LUZP2: variants seen among roughly 807,000 people sequenced by gnomAD.
The protein encoded by LUZP2 is leucine zipper protein 2.
LUZP2 carries 52 observed loss-of-function variants against 51.6 expected under a neutral mutation model. The ratio of observed to expected loss-of-function variants is 1.01; its 90% CI spans 0.81 to 1.27. The LOEUF is 1.27. Ranked by LOEUF, LUZP2 falls within the 50% of genes most tolerant of loss-of-function variation. The pLI is 0.00. For synonymous variants in LUZP2, 154 were observed against 137.3 expected (o/e 1.12, Z -0.85); for missense variants, 436 against 395.4 (o/e 1.10, Z -0.87).
intron 5 of LUZP2, among the ~76,000 whole-genome samples, chr11:24,779,551 T>C (rs151039071): frequency 1.3e-5 from 2 of 152,294 alleles, no homozygotes; most frequent in East Asian, 3.9e-4. Flanking sequence ...ATAATAAATG[T>C]AAAGTGTTAA....
intron 5 of LUZP2, among the ~76,000 whole-genome samples, chr11:24,889,356 G>A (rs1187159662): frequency 6.6e-6 from 1 of 152,140 alleles, no homozygotes; most frequent in East Asian, 1.9e-4. Context: ...TTATCAAGGT[G>A]AGGAGGTGAT....
intron 3 of LUZP2, among the ~76,000 whole-genome samples, chr11:24,733,165 TA>T (rs1565105374): frequency 3.3e-5 from 5 of 151,444 alleles, no homozygotes; most frequent in Middle Eastern, 3.4e-3. Flanking sequence ...TGATATCTAT[TA>T]AAAAATATAA....
chr11:25,009,695 C>T (rs1399279256), intron 9 of LUZP2, among the ~76,000 whole-genome samples: 1 of 152,078 alleles, frequency 6.6e-6, no homozygotes, highest in Non-Finnish European at 1.5e-5. Context: ...CTATGACTAA[C>T]CAAAGGCATT....
intron 10 of LUZP2, among the ~76,000 whole-genome samples, chr11:25,073,863 A>G (rs1391464693): frequency 6.6e-6 from 1 of 152,118 alleles, no homozygotes; most frequent in East Asian, 1.9e-4. Context: ...AACGATCACT[A>G]TTTGTTAATC....
At position 24,599,741 on chromosome 11, in the gene LUZP2, G is replaced by A. The variant is rs570379749; in HGVS notation, c.62+102436G>A. 7.9e-5 allele frequency among the ~76,000 whole-genome samples: 12 copies of A among 152,006 alleles called. No individual in the cohort carries two copies. In the South Asian group the frequency reaches 1.0e-3, roughly 13 times the overall value. ...TACAGAAACATCTGAGAGTCTCATC[G>A]AATAGCTGAGATATACTGAGATATT... On this transcript the variant is annotated intron_variant, in intron 1 of 11. Transcript: ENST00000336930.
chr11:24,752,841 A>G (rs1859643955), intron 4 of LUZP2, among the ~76,000 whole-genome samples: 1 of 152,130 alleles, frequency 6.6e-6, no homozygotes, highest in Admixed American at 6.5e-5. Flanking sequence ...AAATGGGTTA[A>G]ATTTAATAAT....
At chr11:24,913,546 T>A (rs1174858561) in intron 6 of LUZP2, among the ~76,000 whole-genome samples, 1 of 152,162 alleles carries the variant, frequency 6.6e-6, no homozygotes, top group Non-Finnish European at 1.5e-5. Context: ...TAATGCAATG[T>A]ACATATGTTT....
At chr11:24,923,008 C>A (rs1254174294) in intron 7 of LUZP2, among the ~76,000 whole-genome samples, 7 of 151,646 alleles carry the variant, frequency 4.6e-5, no homozygotes, top group African/African-American at 1.7e-4. Context: ...GCCACCACGC[C>A]TAGCTAATTT....
intron 6 of LUZP2, among the ~76,000 whole-genome samples, chr11:24,913,627 A>G (rs1013166363): frequency 2.6e-5 from 4 of 151,416 alleles, no homozygotes; most frequent in Non-Finnish European, 5.9e-5. Context: ...ATACATTTTA[A>G]GTATCAATTT....
chr11:24,626,132 G>T (rs953775078), intron 1 of LUZP2, among the ~76,000 whole-genome samples: 1 of 152,102 alleles, frequency 6.6e-6, no homozygotes, highest in Non-Finnish European at 1.5e-5. Flanking sequence ...TCCATGAAGT[G>T]CCAAACAGAG....
chr11:24,819,653 C>T (rs1396795734), intron 5 of LUZP2, among the ~76,000 whole-genome samples: 1 of 152,060 alleles, frequency 6.6e-6, no homozygotes, highest in Non-Finnish European at 1.5e-5. Flanking sequence ...ATTTATGGTA[C>T]ATAGTGTGAT....
chr11:24,639,081 C>T (rs1221579084), intron 1 of LUZP2, among the ~76,000 whole-genome samples: 1 of 151,678 alleles, frequency 6.6e-6, no homozygotes, highest in East Asian at 1.9e-4. Flanking sequence ...TTGGACATTT[C>T]TTCATTTATT....
At chr11:24,939,343 G>A (rs897166189) in intron 7 of LUZP2, among the ~76,000 whole-genome samples, 1 of 151,916 alleles carries the variant, frequency 6.6e-6, no homozygotes, top group Non-Finnish European at 1.5e-5. Flanking sequence ...AAGGGAGAGG[G>A]TCTAGTTTGC....
At position 24,996,986 on chromosome 11, in the gene LUZP2, T is replaced by C. The variant is rs1856523152; in HGVS notation, c.765+13693T>C. On this transcript the variant is annotated intron_variant, in intron 9 of 11. Transcript: ENST00000336930. ...TGGCTGCATAGTATTCCATGGTGTATATGTGCCACATTTTCTTAATCCAGT... is the reference window on the plus strand; with the variant it reads ...TGGCTGCATAGTATTCCATGGTGTACATGTGCCACATTTTCTTAATCCAGT... Among the ~76,000 whole-genome samples the C allele has an allele frequency of 4.0e-5, 6 of 150,652 alleles. No homozygotes were observed. The South Asian group carries it at 1.3e-3, about 32-fold the overall frequency.
chr11:24,959,843 A>T (rs1217717483), intron 7 of LUZP2, among the ~76,000 whole-genome samples: 1 of 152,140 alleles, frequency 6.6e-6, no homozygotes, highest in African/African-American at 2.4e-5. Context: ...TTTCAAAGGG[A>T]ATGCTTCCAG....
intron 5 of LUZP2, among the ~76,000 whole-genome samples, chr11:24,834,422 A>T (rs575081710): frequency 1.8e-4 from 28 of 152,308 alleles, no homozygotes; most frequent in Middle Eastern, 3.4e-3. Context: ...AAAGGACATG[A>T]TCTCATTCTT....
intron 1 of LUZP2, among the ~76,000 whole-genome samples, chr11:24,636,786 C>G (rs1285164630): frequency 6.6e-6 from 1 of 151,950 alleles, no homozygotes; most frequent in Non-Finnish European, 1.5e-5. Context: ...CACACTTAAC[C>G]AGAGACATAA....
intron 7 of LUZP2, 47 bp from the exon 8 acceptor site, chr11:24,976,544 A>T: frequency 7.7e-7 from 1 of 1,302,864 alleles, no homozygotes; most frequent in Non-Finnish European, 1.1e-6. Flanking sequence ...TAAAGTACAG[A>T]GGGAAATTGC....
intron 5 of LUZP2, among the ~76,000 whole-genome samples, chr11:24,839,620 G>A (rs1381652181): frequency 6.6e-6 from 1 of 151,588 alleles, no homozygotes; most frequent in African/African-American, 2.4e-5. Flanking sequence ...AAATGTTCCT[G>A]AAGAAAGCCT....
Sources: allele counts gnomAD v4.1 joint callset (sites outside exome capture counted in the v4.1 genomes callset), GRCh38; gene constraint gnomAD v4.1.1; transcripts MANE v1.5; gene names NCBI Gene and HGNC (gene_info 2026-07-23, HGNC 2026-07-21).